SGPL1: variants seen among roughly 807,000 people sequenced by gnomAD.
SGPL1 encodes the protein sphingosine-1-phosphate lyase 1.
Under a neutral mutation model 68.9 loss-of-function variants are expected in SGPL1, and 37 were observed. That is an observed-to-expected ratio of 0.54 (90% CI 0.41 to 0.71). The LOEUF is 0.71. Among genes scored for constraint, SGPL1 ranks in the 30% least tolerant of loss-of-function variants. SGPL1 has a pLI of 0.00. For synonymous variants in SGPL1, 236 were observed against 248.5 expected, an observed-to-expected ratio of 0.95 and a Z score of 0.47; for missense variants, 551 against 704.6, an observed-to-expected ratio of 0.78 and a Z score of 2.47.
intron 2 of SGPL1, among the ~76,000 whole-genome samples, chr10:70,823,651 C>G (rs936849535): frequency 1.4e-5 from 2 of 143,222 alleles, no homozygotes; most frequent in African/African-American, 5.1e-5. Flanking sequence ...AACCATAACT[C>G]AAAATCTTCA....
Position 70,879,145 on chromosome 10 carries a change from C to CA in SGPL1, c.*1814dup, listed in dbSNP as rs1846453269. On this transcript the variant is annotated 3_prime_UTR_variant, in exon 15 of 15. Coordinates refer to ENST00000373202, the MANE Select transcript of SGPL1 (RefSeq NM_003901.4). Reference sequence around the variant, plus strand: ...GGGGAGGGGAGTACTTAAGATGAGTCAAAAGACACTTTCCTCTGTTCCATT... The same window carrying CA: ...GGGGAGGGGAGTACTTAAGATGAGTCAAAAAGACACTTTCCTCTGTTCCATT... 1.3e-5 allele frequency: 2 copies of CA among 152,772 alleles called. No homozygotes were observed. Among genetic ancestry groups the CA allele is most frequent in the African/African-American group, 4.8e-5 (2 of 41,452 alleles). The allele number at this position is 152,772 out of a possible 1,614,324, so 9.5% of individuals were successfully genotyped here. A position where few individuals can be genotyped will look rare whatever the true frequency, so the allele number is the denominator to read the frequency against.
intron 3 of SGPL1, 94 bp from the exon 4 acceptor site, chr10:70,851,049 G>T: frequency 2.2e-6 from 2 of 914,326 alleles, no homozygotes; most frequent in Non-Finnish European, 3.5e-6. Context: ...CAATTGGAAG[G>T]CAAGTGAGGT....
At chr10:70,818,892 A>T (rs552410343) in intron 2 of SGPL1, among the ~76,000 whole-genome samples, 42 of 152,294 alleles carry the variant, frequency 2.8e-4, no homozygotes, top group African/African-American at 9.6e-4. Flanking sequence ...GGGATTTGTT[A>T]ATCTCCCCTA....
rs115777448 is a variant in SGPL1 at position 70,830,578 on chromosome 10, C to G, written c.27+13698C>G. On this transcript the variant is annotated intron_variant, in intron 2 of 14. Transcript: ENST00000373202. ...GATATATCTAACAATGTCTCTTGTT[C>G]TCACCTACAGGAGACACAGGATCTT... Among the ~76,000 whole-genome samples, 1,353 of 152,304 alleles carry G rather than the reference C, an allele frequency of 8.9e-3. 31 individuals carry two copies. The highest frequency in any genetic ancestry group is 0.031 in the African/African-American group (1,286 of 41,558).
chr10:70,873,906 T>C (rs1057488403), intron 12 of SGPL1, among the ~76,000 whole-genome samples: 15 of 152,316 alleles, frequency 9.8e-5, no homozygotes, highest in Admixed American at 7.8e-4. Context: ...GGACAGTGAT[T>C]CCCAAACTTG....
intron 11 of SGPL1, among the ~76,000 whole-genome samples, chr10:70,872,304 G>C (rs2131944602): frequency 1.3e-5 from 2 of 152,316 alleles, no homozygotes; most frequent in South Asian, 4.2e-4. Flanking sequence ...CTGAAGCCTT[G>C]AGCTGATTTG....
At chr10:70,839,796 C>G (rs965497624) in intron 2 of SGPL1, among the ~76,000 whole-genome samples, 5 of 152,112 alleles carry the variant, frequency 3.3e-5, no homozygotes, top group African/African-American at 9.6e-5. Context: ...CCATCTCTAT[C>G]TAGATCAGGG....
At chr10:70,866,646 T>G (rs1432981143) in intron 7 of SGPL1, 1 of 152,186 alleles carries the variant, frequency 6.6e-6, no homozygotes, top group African/African-American at 2.4e-5. Flanking sequence ...TCTTGTGACA[T>G]TCTGAGGTTT....
At chr10:70,830,297 C>G (rs116917977) in intron 2 of SGPL1, among the ~76,000 whole-genome samples, 4,775 of 152,254 alleles carry the variant, frequency 0.031, 102 homozygotes, top group Middle Eastern at 0.12. Context: ...CCAAAGAAAC[C>G]CAGTACTCAG....
At chr10:70,876,709 G>T in intron 14 of SGPL1, 48 bp downstream of exon 14, 1 of 1,559,688 alleles carries the variant, frequency 6.4e-7, no homozygotes, top group East Asian at 2.2e-5. Flanking sequence ...TTTAGGTGTT[G>T]GTGGAGAGTT....
intron 2 of SGPL1, among the ~76,000 whole-genome samples, chr10:70,826,470 G>T (rs753134779): frequency 3.3e-5 from 5 of 152,166 alleles, no homozygotes; most frequent in African/African-American, 4.8e-5. Flanking sequence ...AGAGGAAACG[G>T]AAAAAGAAGG....
rs116582309 is a variant in SGPL1, at chr10:70,849,842, A to G, written c.194-1301A>G. The stretch of plus-strand genomic sequence containing the variant: ...AAAATTCCTGTGGTGCATTTGAAGC[A>G]GTATAGAATCCTGGGAATCCTGGAC... On this transcript the variant is annotated intron_variant, in intron 3 of 14. Transcript: ENST00000373202. Among the ~76,000 whole-genome samples, 1,356 of 152,346 alleles carry G rather than the reference A, an allele frequency of 8.9e-3. 32 individuals carry two copies. Among genetic ancestry groups the G allele is most frequent in the African/African-American group, 0.031 (1,288 of 41,578 alleles).
intron 9 of SGPL1, 125 bp downstream of exon 9, chr10:70,870,022 A>G (rs1846263986): frequency 3.0e-6 from 2 of 665,740 alleles, no homozygotes; most frequent in Non-Finnish European, 5.3e-6. Flanking sequence ...AGAATATGAA[A>G]AACTGCATTG....
At chr10:70,834,642 C>A (rs1223324299) in intron 2 of SGPL1, among the ~76,000 whole-genome samples, 1 of 152,176 alleles carries the variant, frequency 6.6e-6, no homozygotes, top group Non-Finnish European at 1.5e-5. Flanking sequence ...GTTCACTTCC[C>A]CAAAATGCTC....
At chr10:70,874,719 A>G (rs924005944) in intron 12 of SGPL1, among the ~76,000 whole-genome samples, 2 of 152,134 alleles carry the variant, frequency 1.3e-5, no homozygotes, top group African/African-American at 2.4e-5. Context: ...ACGAAACTCC[A>G]TCTCAAAAAT....
In SGPL1 at chr10:70,859,449, G is replaced by A; in HGVS notation, c.565G>A (p.Val189Met). ...PGLRKIEAEIVRIACSLFNGG... is the reference protein window; with the variant it reads ...PGLRKIEAEIMRIACSLFNGG... ...ACTACGCAAGATAGAGGCAGAAATCGTGAGGATAGCTTGTTCCCTGTTCAA... is the reference window on the plus strand; with the variant it reads ...ACTACGCAAGATAGAGGCAGAAATCATGAGGATAGCTTGTTCCCTGTTCAA... The change falls in exon 7 of 15, where the codon GTG becomes ATG. Residue 189 changes from valine (V) to methionine (M), a missense_variant. Coordinates refer to ENST00000373202, the MANE Select transcript of SGPL1 (RefSeq NM_003901.4). 2 of 1,571,040 alleles carry A rather than the reference G, an allele frequency of 1.3e-6. No individual in the cohort carries two copies. Among genetic ancestry groups the A allele is most frequent in the South Asian group, 1.2e-5 (1 of 84,130 alleles).
intron 4 of SGPL1, among the ~76,000 whole-genome samples, chr10:70,852,408 C>G (rs773313889): frequency 5.9e-5 from 9 of 152,106 alleles, no homozygotes; most frequent in Non-Finnish European, 8.8e-5. Flanking sequence ...TTATATTAAT[C>G]CCTAAAAGTA....
At chr10:70,821,027 C>T (rs901068668) in intron 2 of SGPL1, among the ~76,000 whole-genome samples, 1 of 152,170 alleles carries the variant, frequency 6.6e-6, no homozygotes, top group Non-Finnish European at 1.5e-5. Context: ...GCCTTGAATC[C>T]AGACTGACAG....
intron 2 of SGPL1, among the ~76,000 whole-genome samples, chr10:70,829,208 T>C (rs1433674784): frequency 6.6e-6 from 1 of 152,244 alleles, no homozygotes; most frequent in Non-Finnish European, 1.5e-5. Context: ...TCTTGTTGTA[T>C]AGGTAGGCCA....
Sources: gnomAD v4.1 joint callset for allele counts (sites outside exome capture counted in the v4.1 genomes callset) on GRCh38, gnomAD v4.1.1 for gene constraint, MANE v1.5 for transcripts, NCBI Gene and HGNC (gene_info 2026-07-23, HGNC 2026-07-21) for gene names.